The following VAT1L variants were observed in gnomAD, a reference collection of about 807,000 sequenced individuals.
VAT1L encodes the protein putative NADPH-dependent quinone oxidoreductase VAT1L.
VAT1L carries 34 observed loss-of-function variants against 44.1 expected under a neutral mutation model. The ratio of observed to expected loss-of-function variants is 0.77; its 90% CI spans 0.59 to 1.03. The LOEUF (loss-of-function observed/expected upper bound fraction) is 1.03, where lower values mean the gene tolerates loss of function less well. Ranked by LOEUF, VAT1L falls within the 50% of genes least tolerant of loss-of-function variation. The probability of loss-of-function intolerance (pLI) is 0.00; values close to 1 mark genes in which losing one functional copy is unlikely to be tolerated. For missense variants in VAT1L, 615 were observed against 538.8 expected (o/e 1.14, Z -1.40); for synonymous variants, 253 against 202.2 (o/e 1.25, Z -2.13).
chr16:77,977,674 G>A lies in VAT1L; in HGVS notation c.1239G>A (p.Glu413=). 5 of 1,614,098 alleles carry A rather than the reference G, an allele frequency of 3.1e-6. No individual in the cohort carries two copies. Among genetic ancestry groups the A allele is most frequent in the Non-Finnish European group, 4.2e-6 (5 of 1,179,966 alleles). Residue 413 remains glutamate (E), a synonymous_variant, in exon 9 of 9, where the codon GAG becomes GAA. Coordinates refer to ENST00000302536, the MANE Select transcript of VAT1L (RefSeq NM_020927.3). ...EDHEGDSENK[E]RMPFIQ ...ACGAGGGAGACAGCGAGAACAAGGAGCGGATGCCCTTTATCCAGTAACTGA... is the reference window on the plus strand; with the variant it reads ...ACGAGGGAGACAGCGAGAACAAGGAACGGATGCCCTTTATCCAGTAACTGA...
In VAT1L at chr16:77,977,583, C is replaced by T; in HGVS notation, c.1162-14C>T. On this transcript the variant is annotated splice_polypyrimidine_tract_variant and intron_variant, in intron 8 of 8. Transcript: ENST00000302536. ...GTTGCACAACCCTCAATAACATCCT[C>T]TTTTGAATTACAGATGGCCAATGAC... The T allele has an allele frequency of 1.2e-6, 2 of 1,613,438 alleles. No individual in the cohort carries two copies. The highest frequency in any genetic ancestry group is 1.7e-6 in the Non-Finnish European group (2 of 1,179,672).
At chr16:77,883,136 G>A (rs926806482) in intron 6 of VAT1L, among the ~76,000 whole-genome samples, 2 of 151,724 alleles carry the variant, frequency 1.3e-5, no homozygotes, top group South Asian at 2.1e-4. Context: ...AATTCTTTTC[G>A]AAAACAGGAT....
At position 77,874,893 on chromosome 16, in the gene VAT1L, G is replaced by C. The variant is rs147955301; in HGVS notation, c.723-1477G>C. ...GTCTGGCTCCTAAGTAACTGGCTTA[G>C]ATCAGTAATTCTCAGAGCGTGGAGC... On this transcript the variant is annotated intron_variant, in intron 4 of 8. Coordinates refer to ENST00000302536, the MANE Select transcript of VAT1L (RefSeq NM_020927.3). Among the ~76,000 whole-genome samples, 37 of 142,756 alleles carry C rather than the reference G, an allele frequency of 2.6e-4. No individual in the cohort carries two copies. In the East Asian group the frequency reaches 5.9e-3, roughly 23 times the overall value. The allele number at this position is 142,756 out of a possible 152,430, so 93.7% of individuals were successfully genotyped here.
chr16:77,844,801 A>G (rs954464421), intron 3 of VAT1L, among the ~76,000 whole-genome samples: 7 of 152,086 alleles, frequency 4.6e-5, no homozygotes, highest in Non-Finnish European at 7.4e-5. Flanking sequence ...GGGGATGGCT[A>G]TATATACACA....
At chr16:77,959,860 AC>A (rs1288721121) in intron 7 of VAT1L, among the ~76,000 whole-genome samples, 2 of 152,150 alleles carry the variant, frequency 1.3e-5, no homozygotes, top group East Asian at 3.9e-4. Flanking sequence ...GAATGTAGTA[AC>A]CAAAGTCCCC....
intron 7 of VAT1L, among the ~76,000 whole-genome samples, chr16:77,947,771 T>C (rs915843206): frequency 2.0e-5 from 3 of 152,226 alleles, no homozygotes; most frequent in Non-Finnish European, 4.4e-5. Flanking sequence ...CCCTCTGTTT[T>C]TGAGGTGGAG....
chr16:77,878,135 A>T (rs2017109449), intron 5 of VAT1L, among the ~76,000 whole-genome samples: 2 of 152,232 alleles, frequency 1.3e-5, no homozygotes, highest in Admixed American at 1.3e-4. Context: ...GTCACTAATT[A>T]ATCAAAGTCT....
chr16:77,951,440 G>C (rs1015952278), intron 7 of VAT1L, among the ~76,000 whole-genome samples: 4 of 152,150 alleles, frequency 2.6e-5, no homozygotes, highest in Non-Finnish European at 5.9e-5. Context: ...CAGCTACTCG[G>C]GAGGCTGAAG....
rs953675167 is a variant in VAT1L, at chr16:77,944,133, A to G, written c.1078-27717A>G. ...GAAAAGTATGACTGGGATCTAGTGA[A>G]TGGAGGCCAGGGATTGTGCTAAACA... is the stretch of plus-strand genomic sequence containing the variant. On this transcript the variant is annotated intron_variant, in intron 7 of 8. Transcript: ENST00000302536. Among the ~76,000 whole-genome samples, 15 of 152,272 alleles carry G rather than the reference A, an allele frequency of 9.9e-5. No individual in the cohort carries two copies. The East Asian group carries it at 2.3e-3, about 24-fold the overall frequency.
intron 7 of VAT1L, among the ~76,000 whole-genome samples, chr16:77,921,894 C>A (rs1016160543): frequency 1.3e-5 from 2 of 152,082 alleles, no homozygotes; most frequent in African/African-American, 4.8e-5. Flanking sequence ...CAGGTGCATA[C>A]CACTACACCT....
At chr16:77,804,254 G>C (rs906834493) in intron 1 of VAT1L, among the ~76,000 whole-genome samples, 5 of 152,126 alleles carry the variant, frequency 3.3e-5, no homozygotes, top group African/African-American at 1.2e-4. Flanking sequence ...AACCTTTACA[G>C]GAACCTTAGG....
chr16:77,969,887 C>G (rs2142543093), intron 7 of VAT1L, among the ~76,000 whole-genome samples: 1 of 151,680 alleles, frequency 6.6e-6, no homozygotes, highest in East Asian at 1.9e-4. Context: ...GTATTAGGGT[C>G]AAGAAATTTT....
At chr16:77,838,646 T>C (rs1247492314) in intron 3 of VAT1L, among the ~76,000 whole-genome samples, 1 of 151,762 alleles carries the variant, frequency 6.6e-6, no homozygotes, top group Non-Finnish European at 1.5e-5. Flanking sequence ...TCTCCTTCCC[T>C]TTCCCTCCTC....
intron 7 of VAT1L, among the ~76,000 whole-genome samples, chr16:77,889,876 CG>C: frequency 6.6e-6 from 1 of 152,210 alleles, no homozygotes; most frequent in East Asian, 1.9e-4. Flanking sequence ...CACTTGAGGT[CG>C]GGAGTTCGAG....
intron 1 of VAT1L, among the ~76,000 whole-genome samples, chr16:77,815,771 C>G (rs4073956): frequency 0.23 from 34,519 of 150,780 alleles, 4,071 homozygotes; most frequent in South Asian, 0.3. Flanking sequence ...AGTTTGAGAC[C>G]AGCCTGGCCA....
chr16:77,921,928 T>A (rs1403389168), intron 7 of VAT1L, among the ~76,000 whole-genome samples: 1 of 152,012 alleles, frequency 6.6e-6, no homozygotes, highest in Non-Finnish European at 1.5e-5. Flanking sequence ...AATTTTTTTT[T>A]ATGGTGACAG....
chr16:77,964,128 G>A (rs1422674821), intron 7 of VAT1L, among the ~76,000 whole-genome samples: 1 of 152,006 alleles, frequency 6.6e-6, no homozygotes, highest in African/African-American at 2.4e-5. Context: ...CAAAGCATAT[G>A]TTCCCCCTCT....
chr16:77,893,706 G>T (rs1485197446), intron 7 of VAT1L, among the ~76,000 whole-genome samples: 1 of 152,118 alleles, frequency 6.6e-6, no homozygotes, highest in Non-Finnish European at 1.5e-5. Flanking sequence ...TAGTATCCAG[G>T]TATTATTATC....
chr16:77,839,623 C>A (rs1190983107), intron 3 of VAT1L, among the ~76,000 whole-genome samples: 1 of 131,590 alleles, frequency 7.6e-6, no homozygotes, highest in Non-Finnish European at 1.5e-5. Context: ...CAGAGTATGA[C>A]AAGTGAGAAG....
Sources: allele counts gnomAD v4.1 joint callset (sites outside exome capture counted in the v4.1 genomes callset), GRCh38; gene constraint gnomAD v4.1.1; transcripts MANE v1.5; gene names NCBI Gene and HGNC (gene_info 2026-07-23, HGNC 2026-07-21).